STK10: variants seen among roughly 807,000 people sequenced by gnomAD.
STK10 encodes serine/threonine-protein kinase 10.
Under a neutral mutation model 113.8 loss-of-function variants are expected in STK10, and 78 were observed. The observed-to-expected ratio is 0.69, with a 90% CI of 0.57 to 0.83. The LOEUF (loss-of-function observed/expected upper bound fraction) is 0.83, where lower values mean the gene tolerates loss of function less well. STK10 is among the 40% of genes least tolerant of loss of function. The probability of loss-of-function intolerance (pLI) is 0.00; values close to 1 mark genes in which losing one functional copy is unlikely to be tolerated. For synonymous variants in STK10, 465 were observed against 494.7 expected, an observed-to-expected ratio of 0.94 and a Z score of 0.80; for missense variants, 1,109 against 1,280.1, an observed-to-expected ratio of 0.87 and a Z score of 2.04.
intron 3 of STK10, among the ~76,000 whole-genome samples, chr5:172,121,966 A>C (rs1769520717): frequency 6.6e-6 from 1 of 151,650 alleles, no homozygotes; most frequent in African/African-American, 2.4e-5. Context: ...CCTGGGTTCA[A>C]GCGATTCTCC....
rs960489042 is a variant in STK10 at position 172,188,063 on chromosome 5, C to T, written c.-21G>A. ...GCCATGGCCGGGGGCGCGGTGGCGC[C>T]GGCTCGGGCTCGGGCTCGGGCTCGG... On this transcript the variant is annotated 5_prime_UTR_variant, in exon 1 of 19. Transcript: ENST00000176763. This position sits in a 1 kb window ranked among gnomAD's most constrained non-coding sequence, Gnocchi z 5.6. 11 of 1,607,810 alleles carry T rather than the reference C, an allele frequency of 6.8e-6. No individual in the cohort carries two copies. The East Asian group carries it at 2.2e-4, about 33-fold the overall frequency.
chr5:172,139,900 CAAA>C (rs34385866), intron 2 of STK10, among the ~76,000 whole-genome samples: 6 of 92,370 alleles, frequency 6.5e-5, no homozygotes, highest in Admixed American at 2.5e-4. Context: ...AAAGCACAGC[CAAA>C]AAAAAAAAAA....
intron 7 of STK10, among the ~76,000 whole-genome samples, chr5:172,101,362 T>C (rs529741604): frequency 2.6e-5 from 4 of 151,600 alleles, no homozygotes; most frequent in African/African-American, 7.3e-5. Flanking sequence ...TCCCAACTAC[T>C]TGGGAAGCCG....
rs1468485788 is a variant in STK10 at position 172,044,435 on chromosome 5, G to A, written c.*447C>T. 5.9e-6 allele frequency: 1 copy of A among 168,354 alleles called. No individual in the cohort carries two copies. The highest frequency in any genetic ancestry group is 2.4e-5 in the African/African-American group (1 of 41,824). The allele number at this position is 168,354 out of a possible 1,614,324, so 10.4% of individuals were successfully genotyped here. ...GCTGTGAGGGACTTGATGATTGAGT[G>A]ACTCTGCAGGGAATGGCTGAAAAAC... On this transcript the variant is annotated 3_prime_UTR_variant, in exon 19 of 19. Coordinates refer to ENST00000176763, the MANE Select transcript of STK10 (RefSeq NM_005990.4). The surrounding 1 kb of genome is among the most constrained non-coding windows in gnomAD (Gnocchi z 4.5).
intron 3 of STK10, among the ~76,000 whole-genome samples, chr5:172,118,168 G>T (rs1769430351): frequency 6.6e-6 from 1 of 152,310 alleles, no homozygotes; most frequent in African/African-American, 2.4e-5. Flanking sequence ...TGAGGAAATT[G>T]AGGCTTGGAA....
At chr5:172,137,724 C>CAA (rs34773105) in intron 2 of STK10, among the ~76,000 whole-genome samples, 1,670 of 90,990 alleles carry the variant, frequency 0.018, 61 homozygotes, top group African/African-American at 0.062. Context: ...ACTAAAAATA[C>CAA]AAAAAAAAAA....
chr5:172,086,251 C>A (rs1768557927), intron 10 of STK10, among the ~76,000 whole-genome samples: 1 of 152,148 alleles, frequency 6.6e-6, no homozygotes, highest in South Asian at 2.1e-4. Context: ...GGCTGCCCTG[C>A]CTCTGGGAAA....
chr5:172,167,857 C>T (rs1014707967), intron 1 of STK10, among the ~76,000 whole-genome samples: 4 of 152,188 alleles, frequency 2.6e-5, no homozygotes, highest in Admixed American at 1.3e-4. Flanking sequence ...AATGCCTCTT[C>T]GGAGGTAAGG....
intron 1 of STK10, among the ~76,000 whole-genome samples, chr5:172,183,676 T>C (rs919224080): frequency 1.3e-5 from 2 of 152,124 alleles, no homozygotes; most frequent in African/African-American, 2.4e-5. Flanking sequence ...AGGCTGGTCT[T>C]GAACTCCTGA....
chr5:172,188,185 C>T lies in STK10; in HGVS notation c.-143G>A. ...AGACCCGCCTTTCCCCGCAGCCCGA[C>T]CTCGGTCAAGTGTGCCCTGGGCAGC... On this transcript the variant is annotated 5_prime_UTR_variant, in exon 1 of 19. Coordinates refer to ENST00000176763, the MANE Select transcript of STK10 (RefSeq NM_005990.4). This position sits in a 1 kb window ranked among gnomAD's most constrained non-coding sequence, Gnocchi z 5.6. The T allele has an allele frequency of 7.1e-7, 1 of 1,401,036 alleles. No individual in the cohort carries two copies. The highest frequency in any genetic ancestry group is 9.4e-7 in the Non-Finnish European group (1 of 1,063,232). 86.8% of individuals were successfully genotyped at this position (1,401,036 alleles called of 1,614,324 possible). A position where few individuals can be genotyped will look rare whatever the true frequency, so the allele number is the denominator to read the frequency against.
At chr5:172,105,486 C>G in intron 7 of STK10, 170 bp downstream of exon 7, 1 of 690,646 alleles carries the variant, frequency 1.4e-6, no homozygotes, top group Non-Finnish European at 2.5e-6. Flanking sequence ...CCAAGGCACT[C>G]CCAACACAGA....
At chr5:172,110,081 C>T (rs939604664) in intron 4 of STK10, among the ~76,000 whole-genome samples, 3 of 152,250 alleles carry the variant, frequency 2.0e-5, no homozygotes, top group Non-Finnish European at 4.4e-5. Context: ...CAGGTGCTCA[C>T]CAGGCTCCAT....
intron 1 of STK10, among the ~76,000 whole-genome samples, chr5:172,173,888 A>G (rs1412427667): frequency 2.6e-5 from 4 of 152,230 alleles, no homozygotes; most frequent in Non-Finnish European, 5.9e-5. Flanking sequence ...CAATGTTCGC[A>G]AAGTCGGGGC....
At chr5:172,132,244 A>T (rs561332927) in intron 2 of STK10, among the ~76,000 whole-genome samples, 1 of 152,356 alleles carries the variant, frequency 6.6e-6, no homozygotes, top group African/African-American at 2.4e-5. Context: ...CCATAGGAGG[A>T]TTACAGGTAG....
intron 7 of STK10, among the ~76,000 whole-genome samples, chr5:172,105,003 G>GGAGCA (rs768154966): frequency 4.6e-5 from 7 of 152,104 alleles, no homozygotes; most frequent in Non-Finnish European, 1.0e-4. Context: ...TCCTCCTTGG[G>GGAGCA]CTGAGTTCTC....
chr5:172,097,831 A>T (rs1768893294), intron 7 of STK10, among the ~76,000 whole-genome samples: 1 of 152,228 alleles, frequency 6.6e-6, no homozygotes, highest in African/African-American at 2.4e-5. Flanking sequence ...CAAATGTCAG[A>T]GTCTTATTTA....
rs764991555 is a variant in STK10, at chr5:172,093,425, G to A, written c.1541C>T (p.Ser514Phe). ...AGGCGGTGTTACCTTGATGGACAGAGAGCCCATCTCTTTGTTCAGCGACAG... is the reference window on the plus strand; with the variant it reads ...AGGCGGTGTTACCTTGATGGACAGAAAGCCCATCTCTTTGTTCAGCGACAG... Reference protein sequence around the residue: ...TDLSLNKEMGSLSIKDPKLYK... With the variant: ...TDLSLNKEMGFLSIKDPKLYK... Residue 514 changes from serine (S) to phenylalanine (F), a missense_variant, in exon 9 of 19, where the codon TCT (serine) becomes TTT (phenylalanine). Physicochemically the swap from Ser to Phe is radical, Grantham distance 155. Around this residue, in one of 5 missense-constraint regions of STK10, gnomAD observed 885 missense variants for 991.1 expected, o/e 0.89. Coordinates refer to ENST00000176763, the MANE Select transcript of STK10 (RefSeq NM_005990.4). This position sits in a 1 kb window ranked among gnomAD's most constrained non-coding sequence, Gnocchi z 4.1. 7 of 1,597,078 alleles carry A rather than the reference G, an allele frequency of 4.4e-6. No homozygotes were observed. The Admixed American group carries it at 1.2e-4, about 27-fold the overall frequency.
At position 172,170,421 on chromosome 5, in the gene STK10, C is replaced by A. The variant is rs184102311; in HGVS notation, c.157-13633G>T. ...GAAACCACTTCCCAATCAATCATCA[C>A]CATGCCAAGTTTCAGCTCAACGACA... On this transcript the variant is annotated intron_variant, in intron 1 of 18. Coordinates refer to ENST00000176763, the MANE Select transcript of STK10 (RefSeq NM_005990.4). Among the ~76,000 whole-genome samples the A allele has an allele frequency of 2.0e-3, 311 of 152,290 alleles. 1 individual carries two copies. The highest frequency in any genetic ancestry group is 4.3e-3 in the Admixed American group (66 of 15,288).
intron 9 of STK10, among the ~76,000 whole-genome samples, chr5:172,091,687 C>T (rs907662250): frequency 7.9e-5 from 12 of 152,150 alleles, no homozygotes; most frequent in Non-Finnish European, 8.8e-5. Flanking sequence ...TGCGCCACCA[C>T]GCCCGGCTAA....
Sources: gnomAD v4.1 joint callset for allele counts (sites outside exome capture counted in the v4.1 genomes callset) on GRCh38, gnomAD v4.1.1 for gene constraint, gnomAD v4.1.1 regional missense constraint, Gnocchi (gnomAD v3.1) non-coding constraint, MANE v1.5 for transcripts, NCBI Gene and HGNC (gene_info 2026-07-23, HGNC 2026-07-21) for gene names.